The following MICU1 variants were observed in gnomAD, a reference collection of about 807,000 sequenced individuals.
The protein encoded by MICU1 is calcium uptake protein 1, mitochondrial.
A neutral mutation model predicts 56.8 loss-of-function variants in MICU1; 45 were observed. The observed-to-expected ratio is 0.79, with a 90% CI of 0.62 to 1.02. The LOEUF is 1.02. Ranked by LOEUF, MICU1 falls within the 50% of genes least tolerant of loss-of-function variation. The pLI is 0.00. For missense variants in MICU1, 504 were observed against 587.1 expected (o/e 0.86, Z 1.46); for synonymous variants, 186 against 195.1 (o/e 0.95, Z 0.39).
At chr10:72,436,941 G>A (rs532888842) in intron 8 of MICU1, among the ~76,000 whole-genome samples, 4 of 152,158 alleles carry the variant, frequency 2.6e-5, no homozygotes, top group Non-Finnish European at 5.9e-5. Context: ...TAAAAGTGAT[G>A]GGGAGAATGG....
rs535637428 is a variant in MICU1, at chr10:72,497,984, T to C, written c.652+10171A>G. On this transcript the variant is annotated intron_variant, in intron 6 of 11. Coordinates refer to ENST00000361114, the MANE Select transcript of MICU1 (RefSeq NM_001195518.2). ...ATGATGTCCTATCCACTGCCTAAGT[T>C]TTCTTCTTACTTAGAGATTCTTTTG... 2.6e-5 allele frequency among the ~76,000 whole-genome samples: 4 copies of C among 152,244 alleles called. No individual in the cohort carries two copies. The South Asian group carries it at 8.3e-4, about 31-fold the overall frequency.
intron 5 of MICU1, among the ~76,000 whole-genome samples, chr10:72,512,877 G>A (rs1366409433): frequency 1.3e-5 from 2 of 152,038 alleles, no homozygotes; most frequent in South Asian, 2.1e-4. Flanking sequence ...GGTAATTTTT[G>A]TATTTTTTGT....
intron 6 of MICU1, chr10:72,483,840 T>C (rs925616064): frequency 6.6e-6 from 1 of 152,204 alleles, no homozygotes; most frequent in Non-Finnish European, 1.5e-5. Flanking sequence ...TCACCTATTA[T>C]GGATTTGTTG....
In MICU1 at chr10:72,500,257, CATACATATATATATATATATATATATAT is replaced by C. The variant is rs1451053635; in HGVS notation, c.652+7870_652+7897del. 2.5e-3 allele frequency among the ~76,000 whole-genome samples: 121 copies of C among 47,800 alleles called. 5 individuals are homozygous for C. Among genetic ancestry groups the C allele is most frequent in the Admixed American group, 8.3e-3 (28 of 3,370 alleles). 31.4% of individuals were successfully genotyped at this position (47,800 alleles called of 152,430 possible). A position where few individuals can be genotyped will look rare whatever the true frequency, so the allele number is the denominator to read the frequency against. On this transcript the variant is annotated intron_variant, in intron 6 of 11. Coordinates refer to ENST00000361114, the MANE Select transcript of MICU1 (RefSeq NM_001195518.2). ...TGATAAACTATTATATACATACATA[CATACATATATATATATATATATATATAT>C]ATATATATATATATATATTTTTTTT...
At chr10:72,444,046 A>G (rs1320557580) in intron 8 of MICU1, among the ~76,000 whole-genome samples, 4 of 152,128 alleles carry the variant, frequency 2.6e-5, no homozygotes, top group Non-Finnish European at 5.9e-5. Context: ...GCAGCCATAA[A>G]AAATGATGAG....
intron 2 of MICU1, among the ~76,000 whole-genome samples, chr10:72,566,039 C>CTTTTTTTTTTTTTTTTTTTTTTTTTTTTT (rs11376019): frequency 1.4e-5 from 1 of 69,838 alleles, no homozygotes; most frequent in Non-Finnish European, 2.6e-5. Flanking sequence ...CATTCATTTT[C>CTTTTTTTTTTTTTTTTTTTTTTTTTTTTT]TTTTTTTTTT....
chr10:72,575,270 T>C (rs1840712137), intron 1 of MICU1, among the ~76,000 whole-genome samples: 1 of 152,252 alleles, frequency 6.6e-6, no homozygotes, highest in Admixed American at 6.5e-5. Context: ...CCCTATTTTG[T>C]TTGGATCTAA....
chr10:72,573,307 CAAAAA>C (rs58866778), intron 1 of MICU1, among the ~76,000 whole-genome samples: 1 of 21,040 alleles, frequency 4.8e-5, no homozygotes, highest in Non-Finnish European at 8.3e-5. Flanking sequence ...CCCATCACTA[CAAAAA>C]AAAAAAAAAA....
intron 6 of MICU1, among the ~76,000 whole-genome samples, chr10:72,490,591 CTT>C (rs1294453587): frequency 6.6e-6 from 1 of 152,138 alleles, no homozygotes; most frequent in Non-Finnish European, 1.5e-5. Flanking sequence ...GCCTCCTGTC[CTT>C]GTAATTACAG....
chr10:72,610,500 T>C (rs138992567), intron 1 of MICU1, among the ~76,000 whole-genome samples: 2 of 152,222 alleles, frequency 1.3e-5, no homozygotes, highest in East Asian at 1.9e-4. Context: ...CAAGAGATAG[T>C]AAAGCACTCT....
intron 6 of MICU1, among the ~76,000 whole-genome samples, chr10:72,481,900 T>C (rs1482516252): frequency 6.6e-6 from 1 of 152,244 alleles, no homozygotes; most frequent in African/African-American, 2.4e-5. Context: ...ATTTCCTTAA[T>C]AATCTTTGCT....
intron 10 of MICU1, among the ~76,000 whole-genome samples, chr10:72,399,874 C>T (rs957565285): frequency 1.3e-5 from 2 of 152,156 alleles, no homozygotes; most frequent in African/African-American, 2.4e-5. Flanking sequence ...AGGAGAATCG[C>T]TTGAGCCCAG....
intron 8 of MICU1, among the ~76,000 whole-genome samples, chr10:72,458,859 T>C (rs1231831278): frequency 1.3e-5 from 2 of 150,882 alleles, no homozygotes; most frequent in Non-Finnish European, 2.9e-5. Context: ...CACAGGTGCA[T>C]GCCACTACAC....
chr10:72,477,553 T>G (rs1010163458), intron 6 of MICU1: 6 of 1,535,068 alleles, frequency 3.9e-6, no homozygotes, highest in Middle Eastern at 1.7e-4. Context: ...GACACCATCT[T>G]CTTAGCTTAG....
chr10:72,544,763 C>T (rs1170485293), intron 4 of MICU1, among the ~76,000 whole-genome samples: 2 of 152,144 alleles, frequency 1.3e-5, no homozygotes, highest in Non-Finnish European at 2.9e-5. Flanking sequence ...ATATTCAAAT[C>T]GTACAGAATA....
chr10:72,598,413 G>A (rs962602876), intron 1 of MICU1, among the ~76,000 whole-genome samples: 3 of 152,008 alleles, frequency 2.0e-5, no homozygotes, highest in African/African-American at 2.4e-5. Context: ...CCGCCACCAC[G>A]TCTGGCTGAT....
At chr10:72,508,534 T>C (rs950854075) in intron 5 of MICU1, 15 of 236,900 alleles carry the variant, frequency 6.3e-5, no homozygotes, top group African/African-American at 3.1e-4. Flanking sequence ...CCATTGCACA[T>C]ATACAGGCCC....
intron 8 of MICU1, among the ~76,000 whole-genome samples, chr10:72,470,500 G>A (rs1342954430): frequency 1.3e-5 from 2 of 152,118 alleles, no homozygotes; most frequent in African/African-American, 4.8e-5. Flanking sequence ...CATGGTGGAT[G>A]GGCAAGCAAA....
At chr10:72,584,102 G>C (rs1316521888) in intron 1 of MICU1, among the ~76,000 whole-genome samples, 3 of 152,164 alleles carry the variant, frequency 2.0e-5, no homozygotes, top group Non-Finnish European at 4.4e-5. Flanking sequence ...CACATGTTCT[G>C]TTAAGGAAAG....
Sources: gnomAD v4.1 joint callset for allele counts (sites outside exome capture counted in the v4.1 genomes callset) on GRCh38, gnomAD v4.1.1 for gene constraint, MANE v1.5 for transcripts, NCBI Gene and HGNC (gene_info 2026-07-23, HGNC 2026-07-21) for gene names.